GALNTL6: variants seen among roughly 807,000 people sequenced by gnomAD.
GALNTL6 encodes polypeptide N-acetylgalactosaminyltransferase like 6.
Under a neutral mutation model 73.7 loss-of-function variants are expected in GALNTL6, and 46 were observed. That is an observed-to-expected ratio of 0.62 (90% confidence interval 0.49 to 0.80). The LOEUF (loss-of-function observed/expected upper bound fraction) is 0.80, where lower values mean the gene tolerates loss of function less well. Ranked by LOEUF, GALNTL6 falls within the 30% of genes least tolerant of loss-of-function variation. The pLI is 0.00. For synonymous variants in GALNTL6, 259 were observed against 263.7 expected, an observed-to-expected ratio of 0.98 and a Z score of 0.17; for missense variants, 604 against 755.0, an observed-to-expected ratio of 0.80 and a Z score of 2.34.
chr4:172,053,740 T>C (rs1230588703), intron 2 of GALNTL6, among the ~76,000 whole-genome samples: 1 of 152,150 alleles, frequency 6.6e-6, no homozygotes, highest in East Asian at 1.9e-4. Context: ...ATGGTGTGTA[T>C]GTATGCATGC....
At chr4:171,932,177 C>T (rs1425720549) in intron 2 of GALNTL6, among the ~76,000 whole-genome samples, 1 of 152,076 alleles carries the variant, frequency 6.6e-6, no homozygotes, top group African/African-American at 2.4e-5. Flanking sequence ...AAAACTATAA[C>T]TGCTTTCCAA....
intron 2 of GALNTL6, among the ~76,000 whole-genome samples, chr4:171,959,732 T>C (rs191403209): frequency 3.4e-4 from 52 of 152,256 alleles, no homozygotes; most frequent in Non-Finnish European, 5.7e-4. Flanking sequence ...TATAGAGCAA[T>C]TGGCAATGTG....
At chr4:172,761,151 T>C (rs974861705) in intron 5 of GALNTL6, among the ~76,000 whole-genome samples, 12 of 152,134 alleles carry the variant, frequency 7.9e-5, no homozygotes, top group African/African-American at 2.9e-4. Flanking sequence ...TTCCCATAAA[T>C]ACTTGCCTTT....
At chr4:172,820,860 C>T (rs970242123) in intron 7 of GALNTL6, among the ~76,000 whole-genome samples, 4 of 152,172 alleles carry the variant, frequency 2.6e-5, no homozygotes, top group East Asian at 1.9e-4. Flanking sequence ...ACATAATTCT[C>T]TATGATTGAG....
chr4:172,272,729 T>G (rs1279782981), intron 3 of GALNTL6, among the ~76,000 whole-genome samples: 1 of 152,194 alleles, frequency 6.6e-6, no homozygotes, highest in African/African-American at 2.4e-5. Context: ...AGAAAATTTC[T>G]TCCAAAAGAT....
chr4:172,476,464 A>G (rs1305481627), intron 5 of GALNTL6, among the ~76,000 whole-genome samples: 6 of 152,214 alleles, frequency 3.9e-5, no homozygotes, highest in Non-Finnish European at 7.3e-5. Context: ...TATGTATTGA[A>G]CAGAAATATA....
At chr4:172,539,245 T>G (rs907508366) in intron 5 of GALNTL6, among the ~76,000 whole-genome samples, 10 of 152,232 alleles carry the variant, frequency 6.6e-5, no homozygotes, top group African/African-American at 2.4e-4. Context: ...TGATCATTAT[T>G]AGCATCACCG....
At chr4:172,275,261 A>T (rs1738787050) in intron 3 of GALNTL6, among the ~76,000 whole-genome samples, 2 of 152,338 alleles carry the variant, frequency 1.3e-5, no homozygotes, top group Admixed American at 1.3e-4. Context: ...CAGGTAACAG[A>T]TTAATAAATC....
Position 173,024,035 on chromosome 4 carries a change from C to T in GALNTL6, c.1638+2410C>T, listed in dbSNP as rs77133221. On this transcript the variant is annotated intron_variant, in intron 12 of 12. Coordinates refer to ENST00000506823, the MANE Select transcript of GALNTL6 (RefSeq NM_001034845.3). ...GTACATTTATAGCATGACACACCAA[C>T]CACTCAATAATATGCAATTAAGCCA... Among the ~76,000 whole-genome samples the T allele has an allele frequency of 6.6e-4, 101 of 152,218 alleles. No homozygotes were observed. In the East Asian group the frequency reaches 0.014, roughly 21 times the overall value.
intron 10 of GALNTL6, among the ~76,000 whole-genome samples, chr4:172,997,974 CCTAAGGGCCCT>C (rs1195265747): frequency 3.3e-5 from 5 of 152,180 alleles, no homozygotes; most frequent in African/African-American, 1.2e-4. Context: ...CACATATAAA[CCTAAGGGCCCT>C]CTGATAATAT....
chr4:172,292,578 A>G (rs1189264254), intron 3 of GALNTL6, among the ~76,000 whole-genome samples: 1 of 152,140 alleles, frequency 6.6e-6, no homozygotes, highest in Admixed American at 6.6e-5. Flanking sequence ...CAGGAAGTGT[A>G]CTGACATCAT....
At chr4:172,263,923 G>T (rs1038991956) in intron 3 of GALNTL6, among the ~76,000 whole-genome samples, 2 of 151,406 alleles carry the variant, frequency 1.3e-5, no homozygotes, top group East Asian at 1.9e-4. Context: ...GATTGGTTGG[G>T]CTTTGTCTAT....
intron 2 of GALNTL6, among the ~76,000 whole-genome samples, chr4:172,086,186 T>G (rs1429753113): frequency 6.6e-6 from 1 of 152,088 alleles, no homozygotes; most frequent in Non-Finnish European, 1.5e-5. Context: ...CCTTTATGAT[T>G]AGGTGTACAC....
chr4:172,299,373 T>C (rs1323675949), intron 3 of GALNTL6, among the ~76,000 whole-genome samples: 1 of 152,220 alleles, frequency 6.6e-6, no homozygotes, highest in African/African-American at 2.4e-5. Flanking sequence ...TTCCTTCAGT[T>C]CTGCTCTGAT....
chr4:172,459,126 C>G (rs1475497339), intron 5 of GALNTL6, among the ~76,000 whole-genome samples: 1 of 152,156 alleles, frequency 6.6e-6, no homozygotes, highest in African/African-American at 2.4e-5. Flanking sequence ...ATGATTATCT[C>G]AATAGATGCA....
At chr4:171,998,635 T>A (rs1215505139) in intron 2 of GALNTL6, among the ~76,000 whole-genome samples, 1 of 152,176 alleles carries the variant, frequency 6.6e-6, no homozygotes, top group Admixed American at 6.6e-5. Flanking sequence ...CATTTTGTTA[T>A]TTGTTGTTGC....
intron 5 of GALNTL6, among the ~76,000 whole-genome samples, chr4:172,491,972 A>G (rs1733911042): frequency 6.6e-6 from 1 of 152,138 alleles, no homozygotes; most frequent in African/African-American, 2.4e-5. Context: ...CTGAAATTTC[A>G]TTCATTCATT....
At chr4:172,062,701 T>C (rs548917430) in intron 2 of GALNTL6, among the ~76,000 whole-genome samples, 1 of 152,330 alleles carries the variant, frequency 6.6e-6, no homozygotes, top group Admixed American at 6.5e-5. Context: ...ACAACCACAT[T>C]TTTCATATGA....
chr4:172,212,533 G>A (rs544614891), intron 2 of GALNTL6, among the ~76,000 whole-genome samples: 1 of 152,232 alleles, frequency 6.6e-6, no homozygotes, highest in Middle Eastern at 3.4e-3. Context: ...TTTGAGAAAT[G>A]CAGACTGCCA....
Sources: allele counts gnomAD v4.1 joint callset (sites outside exome capture counted in the v4.1 genomes callset), GRCh38; gene constraint gnomAD v4.1.1; transcripts MANE v1.5; gene names NCBI Gene and HGNC (gene_info 2026-07-23, HGNC 2026-07-21).